RSU1: variants seen among roughly 807,000 people sequenced by gnomAD.
RSU1 encodes the protein rsu-1.
Under a neutral mutation model 31.1 loss-of-function variants are expected in RSU1, and 26 were observed. The observed-to-expected ratio is 0.84, with a 90% CI of 0.61 to 1.16. The LOEUF is 1.16. Among genes scored for constraint, RSU1 ranks in the 50% most tolerant of loss-of-function variants. The pLI is 0.00. For synonymous variants in RSU1, 164 were observed against 136.3 expected, an observed-to-expected ratio of 1.20 and a Z score of -1.41; for missense variants, 320 against 339.1, an observed-to-expected ratio of 0.94 and a Z score of 0.44.
intron 2 of RSU1, among the ~76,000 whole-genome samples, chr10:16,785,455 T>TATACATATATATACACATATATACATAA (rs1310250883): frequency 8.5e-6 from 1 of 118,324 alleles, no homozygotes; most frequent in African/African-American, 3.9e-5. Context: ...TATATACATA[T>TATACATATATATACACATATATACATAA]ATACATATAT....
intron 7 of RSU1, among the ~76,000 whole-genome samples, chr10:16,701,735 T>C (rs1835799370): frequency 6.6e-6 from 1 of 152,158 alleles, no homozygotes; most frequent in Non-Finnish European, 1.5e-5. Flanking sequence ...CAGAAGTCCT[T>C]ATGCCAATGA....
intron 8 of RSU1, among the ~76,000 whole-genome samples, chr10:16,687,866 T>C (rs1835467514): frequency 6.6e-6 from 1 of 152,086 alleles, no homozygotes; most frequent in Non-Finnish European, 1.5e-5. Flanking sequence ...ACTACAGGCA[T>C]GTGCCACCAT....
chr10:16,779,943 TATTA>T lies in RSU1; in HGVS notation c.160+2087_160+2090del, dbSNP rs539816065. Among the ~76,000 whole-genome samples the T allele has an allele frequency of 7.3e-3, 1,115 of 152,226 alleles. 4 individuals are homozygous for T. Among genetic ancestry groups the T allele is most frequent in the Admixed American group, 0.01 (159 of 15,284 alleles). ...GGCTTGAAACAGAATTTACCAAGAC[TATTA>T]ATTAGAGTTTACTGGATTAGGTCAA... On this transcript the variant is annotated intron_variant, in intron 3 of 8. Coordinates refer to ENST00000345264, the MANE Select transcript of RSU1 (RefSeq NM_012425.4).
intron 8 of RSU1, among the ~76,000 whole-genome samples, chr10:16,603,891 A>C (rs1833753580): frequency 6.6e-6 from 1 of 152,242 alleles, no homozygotes; most frequent in Non-Finnish European, 1.5e-5. Flanking sequence ...GTAAGTTAGG[A>C]ATTATTTTTG....
chr10:16,781,328 C>T (rs1837644409), intron 3 of RSU1, among the ~76,000 whole-genome samples: 1 of 152,146 alleles, frequency 6.6e-6, no homozygotes, highest in Non-Finnish European at 1.5e-5. Flanking sequence ...GCAGATACGT[C>T]TACTGTGGGG....
At chr10:16,694,406 G>T (rs1483685509) in intron 8 of RSU1, among the ~76,000 whole-genome samples, 1 of 151,794 alleles carries the variant, frequency 6.6e-6, no homozygotes, top group Non-Finnish European at 1.5e-5. Flanking sequence ...TGCATTCACA[G>T]AAGAAAAAAA....
At chr10:16,765,425 G>T (rs1048457987) in intron 3 of RSU1, among the ~76,000 whole-genome samples, 1 of 152,064 alleles carries the variant, frequency 6.6e-6, no homozygotes, top group African/African-American at 2.4e-5. Flanking sequence ...AATACAAAAA[G>T]TCAACTCAGT....
At chr10:16,638,277 A>C (rs962018301) in intron 8 of RSU1, among the ~76,000 whole-genome samples, 42 of 152,296 alleles carry the variant, frequency 2.8e-4, no homozygotes, top group African/African-American at 9.9e-4. Context: ...AAGGTTTCCA[A>C]GCTCATTTGA....
rs141122899 is a variant in RSU1 at position 16,591,220 on chromosome 10, A to G, written c.*2174T>C. The G allele has an allele frequency of 4.0e-4, 61 of 152,316 alleles. No homozygotes were observed. The highest frequency in any genetic ancestry group is 1.3e-3 in the African/African-American group (54 of 41,566). 9.4% of individuals were successfully genotyped at this position (152,316 alleles called of 1,614,324 possible). On this transcript the variant is annotated 3_prime_UTR_variant, in exon 9 of 9. Transcript: ENST00000345264. ...AGCCACTGTGCCTGGCCGTTGTTCA[A>G]CAATTTTTAATGTCATAAAAGCCTC...
chr10:16,714,687 G>A (rs947937379), intron 7 of RSU1, among the ~76,000 whole-genome samples: 1 of 152,070 alleles, frequency 6.6e-6, no homozygotes, highest in Non-Finnish European at 1.5e-5. Flanking sequence ...GGTAGCTATG[G>A]TCATAGTGCT....
At chr10:16,680,953 T>C (rs1835319152) in intron 8 of RSU1, among the ~76,000 whole-genome samples, 1 of 152,110 alleles carries the variant, frequency 6.6e-6, no homozygotes, top group African/African-American at 2.4e-5. Flanking sequence ...CAGAAGAAAA[T>C]GGAGATACTG....
intron 8 of RSU1, among the ~76,000 whole-genome samples, chr10:16,657,276 C>G (rs1007451239): frequency 1.3e-5 from 2 of 152,172 alleles, no homozygotes; most frequent in African/African-American, 4.8e-5. Flanking sequence ...ACTCCTAGTA[C>G]TTCCTTTAGC....
In RSU1 at chr10:16,610,490, C is replaced by T. The variant is rs554012043; in HGVS notation, c.732-16994G>A. On this transcript the variant is annotated intron_variant, in intron 8 of 8. Coordinates refer to ENST00000345264, the MANE Select transcript of RSU1 (RefSeq NM_012425.4). ...TGCATAGTAGGTGGTGAGTGGCAGGCGAGGAAGCAAAGCTTCATTTTTATT... is the reference window on the plus strand; with the variant it reads ...TGCATAGTAGGTGGTGAGTGGCAGGTGAGGAAGCAAAGCTTCATTTTTATT... Among the ~76,000 whole-genome samples, 11 of 152,250 alleles carry T rather than the reference C, an allele frequency of 7.2e-5. No individual in the cohort carries two copies. The East Asian group carries it at 7.7e-4, about 11-fold the overall frequency.
intron 4 of RSU1, among the ~76,000 whole-genome samples, chr10:16,762,335 T>A (rs1182577548): frequency 6.6e-6 from 1 of 151,356 alleles, no homozygotes; most frequent in Non-Finnish European, 1.5e-5. Context: ...TGTACATATA[T>A]TTCATTTAAT....
chr10:16,700,813 A>G (rs1251763750), intron 7 of RSU1, among the ~76,000 whole-genome samples: 1 of 152,246 alleles, frequency 6.6e-6, no homozygotes, highest in Admixed American at 6.5e-5. Flanking sequence ...AATGTGCTAT[A>G]GCCATACTGT....
rs74864626 is a variant in RSU1, at chr10:16,635,892, T to A, written c.732-42396A>T. ...TCCAAAGGCAACCTCTCCCTCTTAA[T>A]GTTACTCCAGTCATCAACAGCAGTG... is the stretch of plus-strand genomic sequence containing the variant. On this transcript the variant is annotated intron_variant, in intron 8 of 8. Transcript: ENST00000345264. Among the ~76,000 whole-genome samples, 1,389 of 152,288 alleles carry A rather than the reference T, an allele frequency of 9.1e-3. 13 individuals carry two copies. Among genetic ancestry groups the A allele is most frequent in the Middle Eastern group, 0.02 (6 of 294 alleles).
rs1314009775 is a variant in RSU1 at position 16,746,474 on chromosome 10, G to A, written c.598+6065C>T. Among the ~76,000 whole-genome samples the A allele has an allele frequency of 6.6e-5, 10 of 152,068 alleles. No homozygotes were observed. The East Asian group carries it at 1.4e-3, about 21-fold the overall frequency. The stretch of plus-strand genomic sequence containing the variant: ...GGTCCCATTACTGCCTAGAAGCCAA[G>A]CAACCAGAAACGATTCCAATTCAGA... On this transcript the variant is annotated intron_variant, in intron 7 of 8. Coordinates refer to ENST00000345264, the MANE Select transcript of RSU1 (RefSeq NM_012425.4).
intron 2 of RSU1, among the ~76,000 whole-genome samples, chr10:16,795,550 G>A (rs1838013289): frequency 6.6e-6 from 1 of 152,024 alleles, no homozygotes; most frequent in Non-Finnish European, 1.5e-5. Context: ...TGAGACACAA[G>A]AGGTTATGTA....
At chr10:16,650,816 C>T (rs574549666) in intron 8 of RSU1, among the ~76,000 whole-genome samples, 9 of 152,138 alleles carry the variant, frequency 5.9e-5, no homozygotes, top group East Asian at 1.9e-4. Context: ...CTCCTGACCT[C>T]GTGATCTGCC....
Sources: allele counts gnomAD v4.1 joint callset (sites outside exome capture counted in the v4.1 genomes callset), GRCh38; gene constraint gnomAD v4.1.1; transcripts MANE v1.5; gene names NCBI Gene and HGNC (gene_info 2026-07-23, HGNC 2026-07-21).